SRGAP2B: variants seen among roughly 807,000 people sequenced by gnomAD.
SRGAP2B encodes the protein SLIT-ROBO Rho GTPase-activating protein 2B.
SRGAP2B carries 9 observed loss-of-function variants against 22.2 expected under a neutral mutation model. That is an observed-to-expected ratio of 0.41 (90% CI 0.24 to 0.71). SRGAP2B has a LOEUF of 0.71. SRGAP2B is among the 30% of genes least tolerant of loss of function. The probability of loss-of-function intolerance (pLI) is 0.35; values close to 1 mark genes in which losing one functional copy is unlikely to be tolerated. For missense variants in SRGAP2B, 114 were observed against 235.8 expected, an observed-to-expected ratio of 0.48 and a Z score of 3.38; for synonymous variants, 36 against 87.4, an observed-to-expected ratio of 0.41 and a Z score of 3.28.
At chr1:145,009,569 C>T (rs1257866751) in intron 2 of SRGAP2B, among the ~76,000 whole-genome samples, 2 of 141,942 alleles carry the variant, frequency 1.4e-5, no homozygotes, top group Non-Finnish European at 3.0e-5. Flanking sequence ...GCCTGGGCGA[C>T]AGAGCGAGAC....
intron 3 of SRGAP2B, among the ~76,000 whole-genome samples, chr1:144,958,839 T>C (rs1667468631): frequency 6.9e-6 from 1 of 144,666 alleles, no homozygotes. Flanking sequence ...ACATTTCAAT[T>C]TAAAAAACGG....
At chr1:144,918,217 GA>G (rs1453598275) in intron 4 of SRGAP2B, 3 of 139,508 alleles carry the variant, frequency 2.2e-5, no homozygotes, top group African/African-American at 6.0e-5. Flanking sequence ...GAAGTTGGGG[GA>G]AAAAATTACT....
intron 2 of SRGAP2B, among the ~76,000 whole-genome samples, chr1:144,998,402 G>T (rs1364564935): frequency 8.3e-6 from 1 of 120,170 alleles, no homozygotes; most frequent in Admixed American, 8.8e-5. Context: ...AGGTCTACCA[G>T]GAAGCCCAGA....
At chr1:144,911,526 C>G (rs1159403589) in intron 5 of SRGAP2B, among the ~76,000 whole-genome samples, 5 of 147,872 alleles carry the variant, frequency 3.4e-5, no homozygotes, top group East Asian at 4.0e-4. Context: ...CAAAGAGGGA[C>G]AGTTAGTCAC....
chr1:145,016,853 T>G (rs1572695), intron 2 of SRGAP2B, among the ~76,000 whole-genome samples: 9,353 of 150,766 alleles, frequency 0.062, 1,308 homozygotes, highest in African/African-American at 0.21. Context: ...TTTTTTTTTT[T>G]TTGTTTTTTT....
chr1:145,083,134 G>T (rs1161977409), intron 2 of SRGAP2B, among the ~76,000 whole-genome samples: 1 of 145,536 alleles, frequency 6.9e-6, no homozygotes, highest in Non-Finnish European at 1.5e-5. Context: ...AAGGCAAGGG[G>T]AGATGCTGAG....
chr1:144,997,338 C>T (rs6600699), intron 2 of SRGAP2B, among the ~76,000 whole-genome samples: 2 of 149,286 alleles, frequency 1.3e-5, no homozygotes, highest in Non-Finnish European at 3.0e-5. Flanking sequence ...GGCTGAGGTG[C>T]GAGAATGGCG....
intron 2 of SRGAP2B, among the ~76,000 whole-genome samples, chr1:145,081,356 ATTG>A (rs1652916920): frequency 6.6e-6 from 1 of 150,452 alleles, no homozygotes; most frequent in Non-Finnish European, 1.5e-5. Flanking sequence ...AGGGCCAAGA[ATTG>A]TTGTTCCCAT....
At chr1:144,911,810 G>A (rs1663436675) in intron 5 of SRGAP2B, among the ~76,000 whole-genome samples, 1 of 142,088 alleles carries the variant, frequency 7.0e-6, no homozygotes, top group Non-Finnish European at 1.5e-5. Context: ...TAGTAGAGAT[G>A]GGTTTTCACC....
intron 2 of SRGAP2B, among the ~76,000 whole-genome samples, chr1:145,009,116 G>C (rs1194689141): frequency 7.0e-6 from 1 of 143,854 alleles, no homozygotes; most frequent in Non-Finnish European, 1.5e-5. Context: ...GGCGGAGCTT[G>C]CAGTGAGCTG....
At chr1:145,005,353 TC>T in intron 2 of SRGAP2B, among the ~76,000 whole-genome samples, 1 of 152,056 alleles carries the variant, frequency 6.6e-6, no homozygotes, top group Non-Finnish European at 1.5e-5. Flanking sequence ...TGCTCAAGGC[TC>T]CAACACAATC....
chr1:145,068,872 G>C (rs1212351434), intron 2 of SRGAP2B, among the ~76,000 whole-genome samples: 1 of 144,804 alleles, frequency 6.9e-6, no homozygotes, highest in Non-Finnish European at 1.5e-5. Context: ...TTATCTTCTG[G>C]GAGATCCTAA....
intron 2 of SRGAP2B, among the ~76,000 whole-genome samples, chr1:145,004,993 A>G (rs1439873755): frequency 2.4e-5 from 1 of 40,838 alleles, no homozygotes; most frequent in East Asian, 4.7e-4. Flanking sequence ...TTAGCAAAGC[A>G]AAGTCAAAGA....
chr1:145,015,608 C>T (rs1553622967), intron 2 of SRGAP2B, among the ~76,000 whole-genome samples: 1 of 150,230 alleles, frequency 6.7e-6, no homozygotes. Flanking sequence ...CAGCAAGAGG[C>T]TCGCAGAGGA....
At chr1:144,958,181 C>T (rs1353876614) in intron 3 of SRGAP2B, among the ~76,000 whole-genome samples, 4 of 151,226 alleles carry the variant, frequency 2.6e-5, no homozygotes, top group African/African-American at 4.9e-5. Flanking sequence ...AAAGGTAGAC[C>T]GCAGATCAAA....
chr1:144,889,266 T>G, exon 10 of SRGAP2B: 1 of 147,856 alleles, frequency 6.8e-6, no homozygotes, highest in Middle Eastern at 3.2e-3. Flanking sequence ...ATTTATTTTT[T>G]AATTTTTCAA....
chr1:145,056,985 ACACACACG>A (rs1650462469), intron 2 of SRGAP2B, among the ~76,000 whole-genome samples: 10 of 147,754 alleles, frequency 6.8e-5, no homozygotes, highest in South Asian at 2.3e-4. Context: ...ACACACACAC[ACACACACG>A]CAAACTCCTC....
chr1:145,011,608 A>C (rs587744215), intron 2 of SRGAP2B, among the ~76,000 whole-genome samples: 2 of 148,700 alleles, frequency 1.3e-5, no homozygotes, highest in Non-Finnish European at 3.0e-5. Context: ...ACAAATCTTC[A>C]GAGTTATTAT....
chr1:144,966,770 G>T (rs1210853415), intron 3 of SRGAP2B, among the ~76,000 whole-genome samples: 1 of 148,358 alleles, frequency 6.7e-6, no homozygotes, highest in Non-Finnish European at 1.5e-5. Flanking sequence ...GACACACATA[G>T]GCTGAAAATA....
Sources: allele counts gnomAD v4.1 joint callset (sites outside exome capture counted in the v4.1 genomes callset), GRCh38; gene constraint gnomAD v4.1.1; transcripts MANE v1.5; gene names NCBI Gene and HGNC (gene_info 2026-07-23, HGNC 2026-07-21).